CTNNA3: variants seen among roughly 807,000 people sequenced by gnomAD.
The protein encoded by CTNNA3 is catenin alpha 3, also known as catenin alpha-3.
In CTNNA3, 76 loss-of-function variants were observed where a neutral mutation model predicts 95.7. The observed-to-expected ratio is 0.79, with a 90% CI of 0.66 to 0.96. The LOEUF is 0.96. CTNNA3 is among the 40% of genes least tolerant of loss of function. CTNNA3 has a pLI of 0.00. For synonymous variants in CTNNA3, 431 were observed against 374.4 expected (o/e 1.15, Z -1.74); for missense variants, 1,191 against 1,089.8 (o/e 1.09, Z -1.31).
rs926958808 is a variant in CTNNA3 at position 66,967,565 on chromosome 10, C to T, written c.1048-192041G>A. ...CATCTGCACCCTCTATACCTTTAAGCAGTATGCAAATGATACAACCATATG... is the reference window on the plus strand; with the variant it reads ...CATCTGCACCCTCTATACCTTTAAGTAGTATGCAAATGATACAACCATATG... On this transcript the variant is annotated intron_variant, in intron 7 of 17. Coordinates refer to ENST00000433211, the MANE Select transcript of CTNNA3 (RefSeq NM_013266.4). Among the ~76,000 whole-genome samples the T allele has an allele frequency of 2.0e-5, 3 of 151,936 alleles. No individual in the cohort carries two copies. In the South Asian group the frequency reaches 6.2e-4, roughly 31 times the overall value.
intron 11 of CTNNA3, among the ~76,000 whole-genome samples, chr10:66,450,594 G>T (rs1456801420): frequency 2.0e-5 from 3 of 151,932 alleles, no homozygotes; most frequent in Non-Finnish European, 4.4e-5. Flanking sequence ...TTTTACAATA[G>T]GTAAGAAAAT....
At chr10:66,999,010 A>T (rs761966333) in intron 7 of CTNNA3, among the ~76,000 whole-genome samples, 4 of 152,174 alleles carry the variant, frequency 2.6e-5, no homozygotes, top group Non-Finnish European at 4.4e-5. Flanking sequence ...CATATAAGAC[A>T]ATTAAATTAG....
intron 1 of CTNNA3, among the ~76,000 whole-genome samples, chr10:67,706,826 C>A (rs983149459): frequency 2.0e-5 from 3 of 152,262 alleles, no homozygotes; most frequent in Admixed American, 1.3e-4. Flanking sequence ...GTATCCTAGT[C>A]CAGACCTCTC....
chr10:66,407,954 GGTATCAAT>G (rs1225380168), intron 11 of CTNNA3, among the ~76,000 whole-genome samples: 2 of 152,076 alleles, frequency 1.3e-5, no homozygotes, highest in African/African-American at 4.8e-5. Flanking sequence ...AGTCCTTCCT[GGTATCAAT>G]GCAGAGTTTG....
intron 7 of CTNNA3, among the ~76,000 whole-genome samples, chr10:67,039,624 G>A (rs1285124916): frequency 6.6e-6 from 1 of 152,024 alleles, no homozygotes; most frequent in Non-Finnish European, 1.5e-5. Flanking sequence ...GAGGTTAGAG[G>A]TGAAAATTAG....
intron 13 of CTNNA3, among the ~76,000 whole-genome samples, chr10:66,276,192 C>T (rs925882775): frequency 7.9e-5 from 12 of 151,506 alleles, no homozygotes; most frequent in African/African-American, 2.9e-4. Context: ...AAAATGCAAA[C>T]TTGAGTTATG....
intron 10 of CTNNA3, among the ~76,000 whole-genome samples, chr10:66,535,267 G>C (rs74141594): frequency 0.015 from 2,324 of 152,236 alleles, 60 homozygotes; most frequent in African/African-American, 0.053. Flanking sequence ...GCTCCTCTTT[G>C]TTGAGCACAG....
At chr10:66,007,821 T>C (rs140635321) in intron 15 of CTNNA3, among the ~76,000 whole-genome samples, 10,114 of 100,340 alleles carry the variant, frequency 0.1, 556 homozygotes, top group Non-Finnish European at 0.12. Context: ...CTCCCTCCCT[T>C]TCTTCCTTCC....
chr10:66,646,049 A>C (rs2132396169), intron 9 of CTNNA3, among the ~76,000 whole-genome samples: 1 of 152,242 alleles, frequency 6.6e-6, no homozygotes, highest in South Asian at 2.1e-4. Context: ...ATTCATTGTA[A>C]ATTTAGACCA....
chr10:66,048,596 T>C (rs1239745424), intron 15 of CTNNA3, among the ~76,000 whole-genome samples: 1 of 151,956 alleles, frequency 6.6e-6, no homozygotes. Flanking sequence ...CCATCTCTAC[T>C]AAAAATACAA....
rs558639591 is a variant in CTNNA3 at position 66,771,689 on chromosome 10, A to G, written c.1128+3755T>C. 5.9e-5 allele frequency among the ~76,000 whole-genome samples: 9 copies of G among 152,274 alleles called. No homozygotes were observed. In the South Asian group the frequency reaches 1.9e-3, roughly 32 times the overall value. ...ACTCATTTTGGGGGACAAAGATAAC[A>G]ATACCATGGCATTATTTATTGTTTT... is the stretch of plus-strand genomic sequence containing the variant. On this transcript the variant is annotated intron_variant, in intron 8 of 17. Transcript: ENST00000433211.
Position 66,406,560 on chromosome 10 carries a change from C to T in CTNNA3, c.1532-27208G>A, listed in dbSNP as rs142521702. Among the ~76,000 whole-genome samples the T allele has an allele frequency of 2.5e-3, 383 of 152,240 alleles. 2 individuals are homozygous for T. Among genetic ancestry groups the T allele is most frequent in the African/African-American group, 8.4e-3 (349 of 41,570 alleles). On this transcript the variant is annotated intron_variant, in intron 11 of 17. Coordinates refer to ENST00000433211, the MANE Select transcript of CTNNA3 (RefSeq NM_013266.4). ...TATAATAATAAGCTGATGTTGAATA[C>T]TTGTACATCCAAGGAATTCTTCATA...
rs576151091 is a variant in CTNNA3, at chr10:66,781,089, C to T, written c.1048-5565G>A. ...GATGCTCACCCTATAAATTATGAAG[C>T]CTCAAACACTAAGAGATGAGGTTTA... On this transcript the variant is annotated intron_variant, in intron 7 of 17. Coordinates refer to ENST00000433211, the MANE Select transcript of CTNNA3 (RefSeq NM_013266.4). 1.8e-3 allele frequency among the ~76,000 whole-genome samples: 241 copies of T among 136,514 alleles called. 2 individuals carry two copies. Among genetic ancestry groups the T allele is most frequent in the Non-Finnish European group, 9.9e-4 (67 of 67,914 alleles). 89.6% of individuals were successfully genotyped at this position (136,514 alleles called of 152,430 possible). A position where few individuals can be genotyped will look rare whatever the true frequency, so the allele number is the denominator to read the frequency against.
intron 11 of CTNNA3, among the ~76,000 whole-genome samples, chr10:66,450,629 A>C (rs2093457386): frequency 6.6e-6 from 1 of 152,134 alleles, no homozygotes; most frequent in South Asian, 2.1e-4. Context: ...TTACACTTAA[A>C]AGAAAAATCT....
intron 11 of CTNNA3, among the ~76,000 whole-genome samples, chr10:66,480,765 C>T (rs1049902780): frequency 3.9e-5 from 6 of 152,040 alleles, no homozygotes; most frequent in African/African-American, 7.2e-5. Context: ...CCACCATGCC[C>T]GGTTAATTTT....
intron 1 of CTNNA3, among the ~76,000 whole-genome samples, chr10:67,714,731 C>A (rs1423096491): frequency 6.6e-6 from 1 of 152,170 alleles, no homozygotes; most frequent in East Asian, 1.9e-4. Flanking sequence ...TGTCCCCACC[C>A]AAATCTCATC....
At chr10:66,316,945 G>T (rs1449393524) in intron 12 of CTNNA3, among the ~76,000 whole-genome samples, 1 of 151,998 alleles carries the variant, frequency 6.6e-6, no homozygotes, top group African/African-American at 2.4e-5. Context: ...TACTTAAAAA[G>T]AATTGAATAG....
At chr10:66,294,914 G>GAGAGAA (rs1554924832) in intron 12 of CTNNA3, among the ~76,000 whole-genome samples, 8 of 150,504 alleles carry the variant, frequency 5.3e-5, no homozygotes, top group Admixed American at 2.0e-4. Context: ...GAGAGAGAGA[G>GAGAGAA]GGATTTGGTA....
chr10:67,521,800 A>C (rs767976846), intron 5 of CTNNA3, 42 bp downstream of exon 5: 2 of 1,597,724 alleles, frequency 1.3e-6, no homozygotes, highest in South Asian at 2.2e-5. Context: ...CAGGAAGCCT[A>C]AAGTGTTCAT....
Sources: allele counts gnomAD v4.1 joint callset (sites outside exome capture counted in the v4.1 genomes callset), GRCh38; gene constraint gnomAD v4.1.1; transcripts MANE v1.5; gene names NCBI Gene and HGNC (gene_info 2026-07-23, HGNC 2026-07-21).